RBFOX3: variants seen among roughly 807,000 people sequenced by gnomAD.
RBFOX3 encodes RNA binding fox-1 homolog 3.
Under a neutral mutation model 48.7 loss-of-function variants are expected in RBFOX3, and 17 were observed. That is an observed-to-expected ratio of 0.35 (90% CI 0.24 to 0.52). The LOEUF is 0.52. Among genes scored for constraint, RBFOX3 ranks in the 20% least tolerant of loss-of-function variants. RBFOX3 has a pLI of 0.94. For synonymous variants in RBFOX3, 212 were observed against 209.5 expected (o/e 1.01, Z -0.10); for missense variants, 382 against 497.5 (o/e 0.77, Z 2.21).
chr17:79,285,591 C>A (rs1261282127), intron 3 of RBFOX3, among the ~76,000 whole-genome samples: 1 of 152,222 alleles, frequency 6.6e-6, no homozygotes, highest in Non-Finnish European at 1.5e-5. Flanking sequence ...TGCTGTGAGT[C>A]CCTGTGGTTT....
intron 2 of RBFOX3, among the ~76,000 whole-genome samples, chr17:79,375,905 T>C (rs1244089535): frequency 6.6e-6 from 1 of 152,254 alleles, no homozygotes; most frequent in African/African-American, 2.4e-5. Flanking sequence ...AGCTTCTTTG[T>C]GCTTCAGTTT....
rs1310455727 is a variant in RBFOX3, at chr17:79,204,556, C to A, written c.-34+31210G>T. Among the ~76,000 whole-genome samples, 2 of 152,150 alleles carry A rather than the reference C, an allele frequency of 1.3e-5. No homozygotes were observed. Among genetic ancestry groups the A allele is most frequent in the Non-Finnish European group, 2.9e-5 (2 of 68,028 alleles). ...TTTGGTGGAGTATTAAAGAAGGGGT[C>A]CGAAGGCCCCAGATGCTGTGAACAG... On this transcript the variant is annotated intron_variant, in intron 4 of 14. Coordinates refer to ENST00000693108, the MANE Select transcript of RBFOX3 (RefSeq NM_001350451.2). The surrounding 1 kb of genome is among the most constrained non-coding windows in gnomAD (Gnocchi z 4.5).
chr17:79,596,388 C>T (rs921951391), intron 1 of RBFOX3, among the ~76,000 whole-genome samples: 5 of 152,212 alleles, frequency 3.3e-5, no homozygotes, highest in Non-Finnish European at 7.3e-5. Context: ...CCCTGGGGCT[C>T]TCTGATCAGC....
chr17:79,438,662 G>T (rs1251479692), intron 2 of RBFOX3, among the ~76,000 whole-genome samples: 1 of 152,232 alleles, frequency 6.6e-6, no homozygotes, highest in Admixed American at 6.5e-5. Context: ...GCTGGCTGGG[G>T]GTCTCCCCAG....
intron 1 of RBFOX3, among the ~76,000 whole-genome samples, chr17:79,501,124 C>G (rs1306067142): frequency 6.6e-6 from 1 of 152,116 alleles, no homozygotes; most frequent in Non-Finnish European, 1.5e-5. Flanking sequence ...GCTCAAAGGT[C>G]GATTTTCCAT....
chr17:79,616,050 C>G (rs1359245092), upstream of RBFOX3, among the ~76,000 whole-genome samples: 1 of 152,150 alleles, frequency 6.6e-6, no homozygotes, highest in Non-Finnish European at 1.5e-5. Context: ...GTAGAAGGAT[C>G]GAGGAAAGCA....
At chr17:79,626,499 C>A in the RBFOX3 span, among the ~76,000 whole-genome samples, 1 of 152,340 alleles carries the variant, frequency 6.6e-6, no homozygotes, top group African/African-American at 2.4e-5. Context: ...CATCATCCCC[C>A]GTCTGGAACC....
intron 1 of RBFOX3, among the ~76,000 whole-genome samples, chr17:79,590,315 G>C (rs2093381248): frequency 6.6e-6 from 1 of 152,186 alleles, no homozygotes; most frequent in African/African-American, 2.4e-5. Flanking sequence ...GCTAGATGGA[G>C]GCAAAGACTC....
chr17:79,277,481 C>G (rs572355533), intron 3 of RBFOX3, among the ~76,000 whole-genome samples: 4 of 152,262 alleles, frequency 2.6e-5, no homozygotes, highest in African/African-American at 9.6e-5. Flanking sequence ...ATTTAAAGAC[C>G]AGAAGATATT....
At position 79,394,005 on chromosome 17, in the gene RBFOX3, C is replaced by T. The variant is rs113448405; in HGVS notation, c.-174-86181G>A. Among the ~76,000 whole-genome samples the T allele has an allele frequency of 9.2e-5, 14 of 151,932 alleles. 1 individual carries two copies. Among genetic ancestry groups the T allele is most frequent in the South Asian group, 4.2e-4 (2 of 4,780 alleles). On this transcript the variant is annotated intron_variant, in intron 2 of 14. Coordinates refer to ENST00000693108, the MANE Select transcript of RBFOX3 (RefSeq NM_001350451.2). ...AGTCATGCACATCTGAGTCTGTCCC[C>T]GTGCACATCATCTGAACTGGTCATC...
chr17:79,161,419 C>T (rs1295691384), intron 4 of RBFOX3, among the ~76,000 whole-genome samples: 1 of 152,210 alleles, frequency 6.6e-6, no homozygotes, highest in Non-Finnish European at 1.5e-5. Flanking sequence ...CTTCCGTCTC[C>T]GCATACCAGC....
chr17:79,542,217 G>A (rs1305413812), intron 1 of RBFOX3, among the ~76,000 whole-genome samples: 1 of 152,050 alleles, frequency 6.6e-6, no homozygotes, highest in Non-Finnish European at 1.5e-5. Context: ...TGTCTAACTG[G>A]GGCAGACTCG....
chr17:79,105,639 C>T (rs533481995), intron 6 of RBFOX3, among the ~76,000 whole-genome samples: 123 of 152,306 alleles, frequency 8.1e-4, no homozygotes, highest in Admixed American at 1.3e-3. Flanking sequence ...GGTAGGTGAA[C>T]GGGGACCTCT....
chr17:79,399,826 C>T (rs141244054), intron 2 of RBFOX3, among the ~76,000 whole-genome samples: 2 of 152,160 alleles, frequency 1.3e-5, no homozygotes, highest in African/African-American at 2.4e-5. Context: ...AGCGTGAACG[C>T]GCCGCTGGAA....
intron 1 of RBFOX3, among the ~76,000 whole-genome samples, chr17:79,513,395 T>C (rs1250323195): frequency 6.6e-6 from 1 of 152,148 alleles, no homozygotes; most frequent in Non-Finnish European, 1.5e-5. Context: ...TCATCAAACA[T>C]GGCCCCGTGG....
At position 79,299,236 on chromosome 17, in the gene RBFOX3, C is replaced by G. The variant is rs865938616; in HGVS notation, c.-74+8488G>C. On this transcript the variant is annotated intron_variant, in intron 3 of 14. Coordinates refer to ENST00000693108, the MANE Select transcript of RBFOX3 (RefSeq NM_001350451.2). The surrounding 1 kb of genome is among the most constrained non-coding windows in gnomAD (Gnocchi z 4.5). ...ACCTGGCAAACCCTGGCCAGCACAC[C>G]CAGACACAACCCCGGATGGCATCAG... Among the ~76,000 whole-genome samples the G allele has an allele frequency of 2.6e-4, 39 of 151,816 alleles. No individual in the cohort carries two copies. The highest frequency in any genetic ancestry group is 7.9e-4 in the Admixed American group (12 of 15,244).
At chr17:79,115,346 G>A (rs1019556834) in intron 5 of RBFOX3, 148 bp downstream of exon 5, 1 of 452,658 alleles carries the variant, frequency 2.2e-6, no homozygotes, top group Non-Finnish European at 3.6e-6. Flanking sequence ...CAGGAGCCCC[G>A]TAAAAGGCCT....
At chr17:79,239,780 C>A in intron 3 of RBFOX3, among the ~76,000 whole-genome samples, 1 of 152,244 alleles carries the variant, frequency 6.6e-6, no homozygotes, top group East Asian at 1.9e-4. Flanking sequence ...TGGATGTTTG[C>A]TGAATGAATG....
At chr17:79,616,684 C>A in the RBFOX3 span, among the ~76,000 whole-genome samples, 1 of 152,254 alleles carries the variant, frequency 6.6e-6, no homozygotes, top group African/African-American at 2.4e-5. Context: ...AGGCCACCAT[C>A]CAAGCACGCT....
Sources: allele counts gnomAD v4.1 joint callset (sites outside exome capture counted in the v4.1 genomes callset), GRCh38; gene constraint gnomAD v4.1.1; non-coding constraint Gnocchi (gnomAD v3.1); transcripts MANE v1.5; gene names NCBI Gene and HGNC (gene_info 2026-07-23, HGNC 2026-07-21).